Variants in SIPA1L1 observed in about 807,000 individuals in gnomAD.
SIPA1L1 encodes signal induced proliferation associated 1 like 1.
A neutral mutation model predicts 162.7 loss-of-function variants in SIPA1L1; 26 were observed. The ratio of observed to expected loss-of-function variants is 0.16; its 90% CI spans 0.12 to 0.22. The LOEUF is 0.22. Among genes scored for constraint, SIPA1L1 ranks in the 10% least tolerant of loss-of-function variants. The pLI is 1.00. For missense variants in SIPA1L1, 1,874 were observed against 2,241.0 expected (o/e 0.84, Z 3.31); for synonymous variants, 829 against 837.4 (o/e 0.99, Z 0.17).
chr14:71,697,933 AC>A (rs1277357345), intron 13 of SIPA1L1, among the ~76,000 whole-genome samples: 1 of 133,850 alleles, frequency 7.5e-6, no homozygotes, highest in Non-Finnish European at 1.6e-5. Flanking sequence ...TATTAAAAAA[AC>A]AAAAAAAAAA....
intron 2 of SIPA1L1, among the ~76,000 whole-genome samples, chr14:71,418,492 C>T (rs888095717): frequency 6.6e-6 from 1 of 152,166 alleles, no homozygotes; most frequent in Non-Finnish European, 1.5e-5. Context: ...AGCCCCACCC[C>T]CTACTGTCCC....
chr14:71,573,197 T>C (rs1266535645), intron 4 of SIPA1L1, among the ~76,000 whole-genome samples: 1 of 152,228 alleles, frequency 6.6e-6, no homozygotes, highest in African/African-American at 2.4e-5. Flanking sequence ...TTAACTACTA[T>C]GTATATTACT....
intron 7 of SIPA1L1, among the ~76,000 whole-genome samples, chr14:71,638,352 G>A (rs1027973037): frequency 1.3e-5 from 2 of 151,944 alleles, no homozygotes; most frequent in African/African-American, 4.8e-5. Flanking sequence ...TGACCTAGTT[G>A]GATTTATTCT....
chr14:71,445,960 C>T (rs2045312094), intron 2 of SIPA1L1, among the ~76,000 whole-genome samples: 1 of 152,116 alleles, frequency 6.6e-6, no homozygotes, highest in South Asian at 2.1e-4. Context: ...AGTGCTCTTT[C>T]GTCTCAGCCT....
chr14:71,379,073 A>G (rs542068504), intron 2 of SIPA1L1, among the ~76,000 whole-genome samples: 3 of 151,968 alleles, frequency 2.0e-5, no homozygotes, highest in African/African-American at 7.2e-5. Flanking sequence ...TCATGAATAG[A>G]TTGCTTCCTC....
At chr14:71,509,336 C>T (rs2050925027) in intron 2 of SIPA1L1, among the ~76,000 whole-genome samples, 1 of 152,184 alleles carries the variant, frequency 6.6e-6, no homozygotes, top group Non-Finnish European at 1.5e-5. Flanking sequence ...CAAATTTGAA[C>T]ATCTAATTGG....
intron 7 of SIPA1L1, among the ~76,000 whole-genome samples, chr14:71,625,277 G>C (rs1247365170): frequency 2.0e-5 from 3 of 150,838 alleles, no homozygotes; most frequent in Non-Finnish European, 4.4e-5. Flanking sequence ...TGAAGCAATA[G>C]TTAGATGTCT....
intron 13 of SIPA1L1, among the ~76,000 whole-genome samples, chr14:71,697,894 T>C (rs1485801678): frequency 6.6e-6 from 1 of 151,772 alleles, no homozygotes; most frequent in Admixed American, 6.6e-5. Context: ...CAAAGTTGTT[T>C]GAGCATGCAA....
At chr14:71,447,364 A>G (rs1343866663) in intron 2 of SIPA1L1, among the ~76,000 whole-genome samples, 1 of 152,142 alleles carries the variant, frequency 6.6e-6, no homozygotes, top group African/African-American at 2.4e-5. Flanking sequence ...GGGACCCCTA[A>G]CAAGCCTATG....
Position 71,588,841 on chromosome 14 carries a change from G to T in SIPA1L1, c.969G>T (p.Arg323Ser), listed in dbSNP as rs751250734. The change falls in exon 5 of 24, where the codon AGG becomes AGT. Residue 323 changes from arginine to serine, a missense_variant. This residue lies in a region of SIPA1L1 where 685 missense variants were observed against 828.0 expected (regional missense o/e 0.83). Coordinates refer to ENST00000381232, the MANE Select transcript of SIPA1L1 (RefSeq NM_001386936.1). This position sits in a 1 kb window ranked among gnomAD's most constrained non-coding sequence, Gnocchi z 4.3. ...LEDNRSEDSVRPWTCPKCFAH... is the reference protein window; with the variant it reads ...LEDNRSEDSVSPWTCPKCFAH... ...ATAACCGATCAGAAGACTCTGTCAG[G>T]CCCTGGACATGTCCAAAGTGCTTTG... 2 of 1,614,106 alleles carry T rather than the reference G, an allele frequency of 1.2e-6. No individual in the cohort carries two copies. The highest frequency in any genetic ancestry group is 2.2e-5 in the South Asian group (2 of 91,080).
At chr14:71,418,860 T>C (rs1479400244) in intron 2 of SIPA1L1, among the ~76,000 whole-genome samples, 1 of 152,136 alleles carries the variant, frequency 6.6e-6, no homozygotes, top group Non-Finnish European at 1.5e-5. Context: ...TTCTGGAGCT[T>C]TTGGTGCTCC....
intron 4 of SIPA1L1, among the ~76,000 whole-genome samples, chr14:71,543,867 ACGTATG>A (rs879932013): frequency 0.12 from 16,279 of 138,160 alleles, 1,218 homozygotes; most frequent in East Asian, 0.23. Flanking sequence ...CATATATCAT[ACGTATG>A]TGTATATATA....
At chr14:71,520,179 T>C (rs528355546) in intron 3 of SIPA1L1, among the ~76,000 whole-genome samples, 1 of 152,290 alleles carries the variant, frequency 6.6e-6, no homozygotes, top group African/African-American at 2.4e-5. Flanking sequence ...CAGATATTTA[T>C]ATAGTTTCAG....
At chr14:71,413,779 A>G in intron 2 of SIPA1L1, among the ~76,000 whole-genome samples, 1 of 152,220 alleles carries the variant, frequency 6.6e-6, no homozygotes, top group East Asian at 1.9e-4. Context: ...CTGCACATAA[A>G]GAGATTACCA....
At chr14:71,396,642 T>A (rs1301558663) in intron 2 of SIPA1L1, among the ~76,000 whole-genome samples, 1 of 152,198 alleles carries the variant, frequency 6.6e-6, no homozygotes, top group Non-Finnish European at 1.5e-5. Context: ...TACAATTTTT[T>A]GGTAAAAACT....
At chr14:71,592,682 ATAT>A (rs1486953035) in intron 5 of SIPA1L1, among the ~76,000 whole-genome samples, 1 of 152,140 alleles carries the variant, frequency 6.6e-6, no homozygotes, top group Non-Finnish European at 1.5e-5. Context: ...TATACAGCTG[ATAT>A]TATATGTAAA....
At chr14:71,363,528 C>T (rs576016084) in intron 2 of SIPA1L1, among the ~76,000 whole-genome samples, 3 of 152,116 alleles carry the variant, frequency 2.0e-5, no homozygotes, top group Non-Finnish European at 4.4e-5. Context: ...ACCTAATTTG[C>T]CTAATTGATC....
chr14:71,405,576 G>C (rs1352831567), intron 2 of SIPA1L1, among the ~76,000 whole-genome samples: 3 of 152,158 alleles, frequency 2.0e-5, no homozygotes, highest in Non-Finnish European at 4.4e-5. Context: ...TGGGGTAAAG[G>C]CCAGGCAAGC....
rs2084975320 is a variant in SIPA1L1 at position 71,733,320 on chromosome 14, A to T, written c.4862-346A>T. Among the ~76,000 whole-genome samples, 3 of 152,166 alleles carry T rather than the reference A, an allele frequency of 2.0e-5. No individual in the cohort carries two copies. In the South Asian group the frequency reaches 6.2e-4, roughly 32 times the overall value. On this transcript the variant is annotated intron_variant, in intron 20 of 23. Coordinates refer to ENST00000381232, the MANE Select transcript of SIPA1L1 (RefSeq NM_001386936.1). ...AGTAGGCCTCTTCTTCCTGGCCCAAATCCCTTGACTCTGTGCAGGAAAGTA... is the reference window on the plus strand; with the variant it reads ...AGTAGGCCTCTTCTTCCTGGCCCAATTCCCTTGACTCTGTGCAGGAAAGTA...
Sources: gnomAD v4.1 joint callset for allele counts (sites outside exome capture counted in the v4.1 genomes callset) on GRCh38, gnomAD v4.1.1 for gene constraint, gnomAD v4.1.1 regional missense constraint, Gnocchi (gnomAD v3.1) non-coding constraint, MANE v1.5 for transcripts, NCBI Gene and HGNC (gene_info 2026-07-23, HGNC 2026-07-21) for gene names.